The following CPEB2 variants were observed in gnomAD, a reference collection of about 807,000 sequenced individuals.
CPEB2 encodes the protein cytoplasmic polyadenylation element-binding protein 2.
Under a neutral mutation model 93.6 loss-of-function variants are expected in CPEB2, and 56 were observed. The observed-to-expected ratio is 0.60, with a 90% CI of 0.48 to 0.75. CPEB2 has a LOEUF of 0.75. CPEB2 is among the 30% of genes least tolerant of loss of function. CPEB2 has a pLI of 0.00. For synonymous variants in CPEB2, 764 were observed against 586.3 expected (o/e 1.30, Z -4.38); for missense variants, 1,579 against 1,395.1 (o/e 1.13, Z -2.10).
intron 10 of CPEB2, among the ~76,000 whole-genome samples, chr4:15,059,940 G>T (rs1729040654): frequency 6.6e-6 from 1 of 152,122 alleles, no homozygotes; most frequent in Non-Finnish European, 1.5e-5. Flanking sequence ...AATACTTATA[G>T]AATATGATGA....
Position 15,019,336 on chromosome 4 carries a change from A to G in CPEB2, c.2125+2058A>G, listed in dbSNP as rs1430061917. 2.0e-5 allele frequency among the ~76,000 whole-genome samples: 3 copies of G among 149,730 alleles called. No individual in the cohort carries two copies. In the East Asian group the frequency reaches 5.8e-4, roughly 29 times the overall value. ...TCTTTTTTTTTTCCTTTCTTTTCTT[A>G]TTAATACAAATTCCACTGCCTTCTG... is the stretch of plus-strand genomic sequence containing the variant. On this transcript the variant is annotated intron_variant, in intron 4 of 11. Coordinates refer to ENST00000538197, the MANE Select transcript of CPEB2 (RefSeq NM_001177382.2).
intron 11 of CPEB2, among the ~76,000 whole-genome samples, chr4:15,064,039 C>T (rs1367183239): frequency 6.6e-6 from 1 of 151,992 alleles, no homozygotes; most frequent in Non-Finnish European, 1.5e-5. Context: ...AATAAATATA[C>T]GTGTATAACT....
chr4:15,034,401 CCTT>C (rs1726407951), intron 5 of CPEB2, among the ~76,000 whole-genome samples: 1 of 152,092 alleles, frequency 6.6e-6, no homozygotes, highest in Non-Finnish European at 1.5e-5. Context: ...TGGGAAAAGC[CCTT>C]ATAAATAATC....
intron 8 of CPEB2, 136 bp from the exon 9 acceptor site, chr4:15,058,285 A>G (rs1197667368): frequency 4.9e-6 from 3 of 610,464 alleles, no homozygotes; most frequent in South Asian, 2.0e-5. Flanking sequence ...GTTCTCTTGT[A>G]GAAGGTAAAT....
intron 4 of CPEB2, among the ~76,000 whole-genome samples, chr4:15,027,661 T>G (rs1256410409): frequency 1.3e-5 from 2 of 152,098 alleles, no homozygotes; most frequent in Non-Finnish European, 2.9e-5. Flanking sequence ...GTCAAATGAG[T>G]TGGGGCAATG....
intron 4 of CPEB2, among the ~76,000 whole-genome samples, chr4:15,030,829 C>T (rs1273143702): frequency 6.6e-6 from 1 of 151,868 alleles, no homozygotes; most frequent in Non-Finnish European, 1.5e-5. Context: ...AAAAGTGTGC[C>T]TTTTAAAAGT....
intron 6 of CPEB2, among the ~76,000 whole-genome samples, chr4:15,044,531 T>C (rs1204483058): frequency 6.6e-6 from 1 of 152,194 alleles, no homozygotes; most frequent in Admixed American, 6.5e-5. Flanking sequence ...TCATAGATTA[T>C]AAATTTTTTA....
chr4:15,024,312 C>G (rs935807645), intron 4 of CPEB2, among the ~76,000 whole-genome samples: 1 of 151,928 alleles, frequency 6.6e-6, no homozygotes, highest in Non-Finnish European at 1.5e-5. Flanking sequence ...CCTGTATTAC[C>G]TTCCTGCTAA....
chr4:15,030,547 G>A (rs74418056), intron 4 of CPEB2, among the ~76,000 whole-genome samples: 7 of 152,070 alleles, frequency 4.6e-5, no homozygotes, highest in South Asian at 2.1e-4. Context: ...CTATCAATTG[G>A]CAGGTTTTTA....
chr4:15,034,751 G>T (rs1461331242), intron 5 of CPEB2, among the ~76,000 whole-genome samples: 2 of 152,110 alleles, frequency 1.3e-5, no homozygotes, highest in East Asian at 3.8e-4. Flanking sequence ...GAATATTTGT[G>T]GGTTAAAGAA....
In CPEB2 at chr4:15,002,751, G is replaced by C; in HGVS notation, c.78G>C (p.Glu26Asp). The C allele has an allele frequency of 6.5e-7, 1 of 1,535,408 alleles. No individual in the cohort carries two copies. The highest frequency in any genetic ancestry group is 2.0e-5 in the Admixed American group (1 of 50,980). ...SSSPGPLFCG[E>D]AYGPYAVGSV... ...GTCCTGGGCCCCTGTTCTGCGGCGA[G>C]GCGTATGGTCCTTACGCCGTGGGGT... Residue 26 changes from glutamate to aspartate, a missense_variant, in exon 1 of 12, where the codon GAG (glutamate) becomes GAC (aspartate). Glu to Asp is a conservative substitution (Grantham distance 45). This residue lies in a region of CPEB2 where 1,411 missense variants were observed against 1,056.0 expected (regional missense o/e 1.34). Transcript: ENST00000538197.
rs1041033458 is a variant in CPEB2, at chr4:15,068,954, C to A, written c.*2574C>A. 6.7e-6 allele frequency: 1 copy of A among 148,646 alleles called. No individual in the cohort carries two copies. The highest frequency in any genetic ancestry group is 1.5e-5 in the Non-Finnish European group (1 of 66,400). 9.2% of individuals were successfully genotyped at this position (148,646 alleles called of 1,614,324 possible). A position where few individuals can be genotyped will look rare whatever the true frequency, so the allele number is the denominator to read the frequency against. On this transcript the variant is annotated 3_prime_UTR_variant, in exon 12 of 12. Transcript: ENST00000538197. ...CCTTTATGTACTACATTCTTATTTT[C>A]TAACTTTTAAACACTGTATTGGAGG... is the stretch of plus-strand genomic sequence containing the variant.
At position 15,003,171 on chromosome 4, in the gene CPEB2, C is replaced by T; in HGVS notation, c.498C>T (p.Phe166=). 1 of 1,534,262 alleles carries T rather than the reference C, an allele frequency of 6.5e-7. No individual in the cohort carries two copies. The highest frequency in any genetic ancestry group is 8.7e-7 in the Non-Finnish European group (1 of 1,146,240). ...CCCRTSSPQD[F]SKRQQQQLSS... is the part of the protein sequence containing the mutation. ...GCCGCACCTCCTCCCCGCAGGACTTCAGTAAGCGGCAGCAGCAGCAGCTGA... is the reference window on the plus strand; with the variant it reads ...GCCGCACCTCCTCCCCGCAGGACTTTAGTAAGCGGCAGCAGCAGCAGCTGA... The change falls in exon 1 of 12, where the codon TTC becomes TTT. Residue 166 remains phenylalanine (F), a synonymous_variant. Coordinates refer to ENST00000538197, the MANE Select transcript of CPEB2 (RefSeq NM_001177382.2).
At chr4:15,020,002 G>T (rs573314779) in intron 4 of CPEB2, among the ~76,000 whole-genome samples, 1 of 152,192 alleles carries the variant, frequency 6.6e-6, no homozygotes, top group South Asian at 2.1e-4. Flanking sequence ...AGGCTTAACT[G>T]GAACTGGAGG....
In CPEB2 at chr4:15,002,935, G is replaced by T; in HGVS notation, c.262G>T (p.Ala88Ser). 6.6e-7 allele frequency: 1 copy of T among 1,515,724 alleles called. No individual in the cohort carries two copies. Among genetic ancestry groups the T allele is most frequent in the South Asian group, 1.2e-5 (1 of 81,638 alleles). The allele number at this position is 1,515,724 out of a possible 1,614,324, so 93.9% of individuals were successfully genotyped here. A position where few individuals can be genotyped will look rare whatever the true frequency, so the allele number is the denominator to read the frequency against. The change falls in exon 1 of 12, where the codon GCG becomes TCG. Residue 88 changes from alanine (A) to serine (S), a missense_variant. Physicochemically the swap from Ala to Ser is moderately conservative, Grantham distance 99. Coordinates refer to ENST00000538197, the MANE Select transcript of CPEB2 (RefSeq NM_001177382.2). Reference sequence around the variant, plus strand: ...CGCTTCCTCTTCCTCCCCGTTCCTGGCGCATCAGCAGACCATGCAGGATGA... The same window carrying T: ...CGCTTCCTCTTCCTCCCCGTTCCTGTCGCATCAGCAGACCATGCAGGATGA... The part of the protein sequence containing the change: ...AAASSSSPFL[A>S]HQQTMQDELL...
chr4:15,052,275 A>G, intron 6 of CPEB2, 139 bp from the exon 7 acceptor site: 4 of 515,776 alleles, frequency 7.8e-6, no homozygotes, highest in Admixed American at 3.7e-5. Flanking sequence ...ACCACATGCT[A>G]TTTAAATTTC....
Position 15,055,155 on chromosome 4 carries a change from A to T in CPEB2, c.2461+938A>T, listed in dbSNP as rs558168257. On this transcript the variant is annotated intron_variant, in intron 8 of 11. Transcript: ENST00000538197. ...ACTTTCTGCCATTGAGAATTATAGAACCTTCACTAATAGTTCACATAGTTT... is the reference window on the plus strand; with the variant it reads ...ACTTTCTGCCATTGAGAATTATAGATCCTTCACTAATAGTTCACATAGTTT... Among the ~76,000 whole-genome samples the T allele has an allele frequency of 5.3e-5, 8 of 152,298 alleles. No homozygotes were observed. In the South Asian group the frequency reaches 1.7e-3, roughly 32 times the overall value.
In CPEB2 at chr4:15,003,213, A is replaced by G; in HGVS notation, c.540A>G (p.Lys180=). 18 of 1,532,972 alleles carry G rather than the reference A, an allele frequency of 1.2e-5. No homozygotes were observed. The highest frequency in any genetic ancestry group is 1.5e-5 in the Non-Finnish European group (17 of 1,145,918). 95.0% of individuals were successfully genotyped at this position (1,532,972 alleles called of 1,614,324 possible). Residue 180 remains lysine, a synonymous_variant, in exon 1 of 12, where the codon AAA becomes AAG. Coordinates refer to ENST00000538197, the MANE Select transcript of CPEB2 (RefSeq NM_001177382.2). ...AGCAGCTGAGCAGCCAGAAGAGGAA[A>G]GAGTTCAGCCCTCCCCACCTTCCCC... ...QQQQLSSQKR[K]EFSPPHLPHP...
rs1036724575 is a variant in CPEB2, at chr4:15,068,044, A to C, written c.*1664A>C. Reference sequence around the variant, plus strand: ...GCAACTAGCCCCTATATTTTAATGTAAGAGTTACTCTGCAATCTAAGCAAA... The same window carrying C: ...GCAACTAGCCCCTATATTTTAATGTCAGAGTTACTCTGCAATCTAAGCAAA... On this transcript the variant is annotated 3_prime_UTR_variant, in exon 12 of 12. Transcript: ENST00000538197. The C allele has an allele frequency of 6.6e-6, 1 of 152,354 alleles. No homozygotes were observed. Among genetic ancestry groups the C allele is most frequent in the Admixed American group, 6.6e-5 (1 of 15,230 alleles). 9.4% of individuals were successfully genotyped at this position (152,354 alleles called of 1,614,324 possible).
Sources: gnomAD v4.1 joint callset for allele counts (sites outside exome capture counted in the v4.1 genomes callset) on GRCh38, gnomAD v4.1.1 for gene constraint, gnomAD v4.1.1 regional missense constraint, MANE v1.5 for transcripts, NCBI Gene and HGNC (gene_info 2026-07-23, HGNC 2026-07-21) for gene names.